The following LDLRAD4 variants were observed in gnomAD, a reference collection of about 807,000 sequenced individuals.
LDLRAD4 encodes low-density lipoprotein receptor class A domain-containing protein 4.
In LDLRAD4, 5 loss-of-function variants were observed where a neutral mutation model predicts 17.0. The observed-to-expected ratio is 0.29, with a 90% confidence interval of 0.15 to 0.62. LDLRAD4 has a LOEUF of 0.62. Ranked by LOEUF, LDLRAD4 falls within the 20% of genes least tolerant of loss-of-function variation. The pLI is 0.84. For synonymous variants in LDLRAD4, 168 were observed against 171.8 expected (o/e 0.98, Z 0.17); for missense variants, 340 against 424.7 (o/e 0.80, Z 1.75).
At chr18:13,374,645 C>T (rs1170254539) in intron 1 of LDLRAD4, among the ~76,000 whole-genome samples, 2 of 152,230 alleles carry the variant, frequency 1.3e-5, no homozygotes, top group African/African-American at 4.8e-5. Flanking sequence ...CTGCAGAGTC[C>T]TGCCCCAGCC....
intron 3 of LDLRAD4, chr18:13,491,727 C>T (rs528755919): frequency 2.6e-5 from 4 of 152,260 alleles, no homozygotes; most frequent in South Asian, 2.1e-4. Flanking sequence ...GGGACTTTTA[C>T]ACCCATTTTA....
chr18:13,643,929 T>TCTC (rs1409537214), intron 5 of LDLRAD4, among the ~76,000 whole-genome samples: 8 of 152,208 alleles, frequency 5.3e-5, no homozygotes, highest in African/African-American at 1.9e-4. Context: ...TGTATGTACG[T>TCTC]ATATAAAAGA....
chr18:13,218,380 G>A (rs892105412), upstream of LDLRAD4, among the ~76,000 whole-genome samples: 1 of 152,176 alleles, frequency 6.6e-6, no homozygotes, highest in African/African-American at 2.4e-5. Flanking sequence ...CCCCCACCCC[G>A]TTTTCTGTTT....
chr18:13,340,918 A>G (rs2144048151), intron 1 of LDLRAD4, among the ~76,000 whole-genome samples: 1 of 152,190 alleles, frequency 6.6e-6, no homozygotes, highest in South Asian at 2.1e-4. Flanking sequence ...ATGGTGTAGG[A>G]CAAGGGTCCA....
intron 3 of LDLRAD4, among the ~76,000 whole-genome samples, chr18:13,441,154 C>T (rs189805809): frequency 1.3e-5 from 2 of 152,248 alleles, no homozygotes; most frequent in East Asian, 1.9e-4. Flanking sequence ...AGGGTGGCCT[C>T]GTATTGAATG....
intron 2 of LDLRAD4, among the ~76,000 whole-genome samples, chr18:13,399,689 G>C (rs1267558435): frequency 6.6e-6 from 1 of 152,232 alleles, no homozygotes; most frequent in Non-Finnish European, 1.5e-5. Flanking sequence ...ATCCTTAGAA[G>C]AACAGCTCCT....
intron 2 of LDLRAD4, chr18:13,420,473 C>T (rs949253497): frequency 1.0e-4 from 16 of 152,390 alleles, no homozygotes; most frequent in African/African-American, 3.8e-4. Flanking sequence ...AGCCCTGTCT[C>T]TGCCAAGCCC....
At chr18:13,634,144 G>A (rs1044599983) in intron 4 of LDLRAD4, among the ~76,000 whole-genome samples, 7 of 152,272 alleles carry the variant, frequency 4.6e-5, no homozygotes, top group African/African-American at 7.2e-5. Context: ...CTGTAAGACC[G>A]GGAACAAGAC....
Position 13,398,759 on chromosome 18 carries a change from T to G in LDLRAD4, c.40+10997T>G, listed in dbSNP as rs564698078. ...CAGCCTCTGACCACCAGCCTGGACG[T>G]GGGGATACGTCTCTGCAGAACCAGG... On this transcript the variant is annotated intron_variant, in intron 2 of 5. Transcript: ENST00000359446. This position sits in a 1 kb window ranked among gnomAD's most constrained non-coding sequence, Gnocchi z 4.8. 3.3e-5 allele frequency among the ~76,000 whole-genome samples: 5 copies of G among 152,064 alleles called. No homozygotes were observed. The East Asian group carries it at 9.7e-4, about 29-fold the overall frequency.
intron 2 of LDLRAD4, among the ~76,000 whole-genome samples, chr18:13,430,583 T>C (rs2090267530): frequency 6.6e-6 from 1 of 152,196 alleles, no homozygotes; most frequent in Non-Finnish European, 1.5e-5. Flanking sequence ...TGCCTTTCTG[T>C]GTCTTGATCA....
At chr18:13,345,709 T>G (rs1289966243) in intron 1 of LDLRAD4, among the ~76,000 whole-genome samples, 1 of 152,202 alleles carries the variant, frequency 6.6e-6, no homozygotes, top group Non-Finnish European at 1.5e-5. Context: ...ATCCATCTGG[T>G]CCTGGACTTT....
At chr18:13,568,249 A>T (rs923371023) in intron 3 of LDLRAD4, among the ~76,000 whole-genome samples, 2 of 151,796 alleles carry the variant, frequency 1.3e-5, no homozygotes, top group Non-Finnish European at 2.9e-5. Context: ...AGCCAAGATC[A>T]TGCCACTGCA....
At chr18:13,612,626 A>G in intron 3 of LDLRAD4, 3 of 1,606,034 alleles carry the variant, frequency 1.9e-6, no homozygotes, top group Non-Finnish European at 2.6e-6. Flanking sequence ...TGGAGAGGAG[A>G]TTGCCGGAAG....
At chr18:13,231,554 T>A (rs1229350124) in intron 1 of LDLRAD4, among the ~76,000 whole-genome samples, 2 of 152,198 alleles carry the variant, frequency 1.3e-5, no homozygotes, top group Non-Finnish European at 2.9e-5. Context: ...TCATATCGAA[T>A]TGTTTGCAGT....
chr18:13,541,625 ATACT>A (rs1166797495), intron 3 of LDLRAD4, among the ~76,000 whole-genome samples: 2 of 152,232 alleles, frequency 1.3e-5, no homozygotes, highest in Non-Finnish European at 1.5e-5. Context: ...AATAATTAAA[ATACT>A]TACTGCCTCT....
At chr18:13,509,178 A>G (rs1308757270) in intron 3 of LDLRAD4, among the ~76,000 whole-genome samples, 1 of 152,234 alleles carries the variant, frequency 6.6e-6, no homozygotes, top group Non-Finnish European at 1.5e-5. Context: ...GCCAGGCATC[A>G]TGGTGTGCAC....
At chr18:13,453,126 C>T (rs760021155) in intron 3 of LDLRAD4, among the ~76,000 whole-genome samples, 2 of 152,172 alleles carry the variant, frequency 1.3e-5, no homozygotes, top group East Asian at 1.9e-4. Context: ...GGACAGTCAT[C>T]GTTTTAAAAG....
At chr18:13,333,220 G>T (rs965651088) in intron 1 of LDLRAD4, among the ~76,000 whole-genome samples, 14 of 152,306 alleles carry the variant, frequency 9.2e-5, no homozygotes, top group African/African-American at 3.4e-4. Flanking sequence ...ATCTTTGAGA[G>T]ACTATCTGTT....
At chr18:13,218,131 C>G (rs1366153418), upstream of LDLRAD4, 2 of 152,226 alleles carry the variant, frequency 1.3e-5, no homozygotes, top group Non-Finnish European at 2.9e-5. Context: ...GTGGTCGGGG[C>G]TTCTGGCCCA....
Sources: allele counts gnomAD v4.1 joint callset (sites outside exome capture counted in the v4.1 genomes callset), GRCh38; gene constraint gnomAD v4.1.1; non-coding constraint Gnocchi (gnomAD v3.1); transcripts MANE v1.5; gene names NCBI Gene and HGNC (gene_info 2026-07-23, HGNC 2026-07-21).